The following ATP2B2 variants were observed in gnomAD, a reference collection of about 807,000 sequenced individuals.
ATP2B2 encodes the protein ATPase plasma membrane Ca2+ transporting 2, also known as plasma membrane calcium-transporting ATPase 2.
A neutral mutation model predicts 120.0 loss-of-function variants in ATP2B2; 15 were observed. That is an observed-to-expected ratio of 0.12 (90% confidence interval 0.08 to 0.19). ATP2B2 has a LOEUF of 0.19. Among genes scored for constraint, ATP2B2 ranks in the 10% least tolerant of loss-of-function variants. The pLI is 1.00. For missense variants in ATP2B2, 1,045 were observed against 1,719.8 expected (o/e 0.61, Z 6.94); for synonymous variants, 694 against 700.3 (o/e 0.99, Z 0.14).
intron 2 of ATP2B2, among the ~76,000 whole-genome samples, chr3:10,549,835 G>A (rs2067630563): frequency 6.6e-6 from 1 of 152,212 alleles, no homozygotes; most frequent in African/African-American, 2.4e-5. Context: ...GTACAGCACA[G>A]GGTGGTGAAC....
intron 2 of ATP2B2, among the ~76,000 whole-genome samples, chr3:10,554,333 A>C (rs1297152659): frequency 6.6e-6 from 1 of 152,194 alleles, no homozygotes; most frequent in Non-Finnish European, 1.5e-5. Flanking sequence ...ACCCACATCC[A>C]AACCCCCAGA....
chr3:10,340,437 G>A lies in ATP2B2; in HGVS notation c.3129+56C>T. On this transcript the variant is annotated intron_variant, in intron 20 of 22. Transcript: ENST00000360273. The surrounding 1 kb of genome is among the most constrained non-coding windows in gnomAD (Gnocchi z 5.0). Reference sequence around the variant, plus strand: ...GCTGGGCTCTCAGGGTCCTGCCCAGGGGCTCCAGCCGCTTGCTGCCCACCC... The same window carrying A: ...GCTGGGCTCTCAGGGTCCTGCCCAGAGGCTCCAGCCGCTTGCTGCCCACCC... The A allele has an allele frequency of 6.2e-7, 1 of 1,613,728 alleles. No homozygotes were observed. Among genetic ancestry groups the A allele is most frequent in the South Asian group, 1.1e-5 (1 of 91,066 alleles).
At chr3:10,465,965 G>A (rs2064721526) in intron 1 of ATP2B2, among the ~76,000 whole-genome samples, 4 of 152,176 alleles carry the variant, frequency 2.6e-5, no homozygotes, top group Admixed American at 2.6e-4. Flanking sequence ...CACCAAAAGG[G>A]AACAGTGTTT....
intron 3 of ATP2B2, among the ~76,000 whole-genome samples, chr3:10,530,276 T>C (rs2125472822): frequency 6.6e-6 from 1 of 152,310 alleles, no homozygotes; most frequent in East Asian, 1.9e-4. Flanking sequence ...CATATCCTAT[T>C]TTCTCTTCCA....
intron 2 of ATP2B2, among the ~76,000 whole-genome samples, chr3:10,573,879 A>G (rs2068184182): frequency 6.6e-6 from 1 of 152,154 alleles, no homozygotes; most frequent in Non-Finnish European, 1.5e-5. Flanking sequence ...AGCCCAGCAA[A>G]TACGGCGTCT....
chr3:10,698,922 T>C (rs1006599144), intron 1 of ATP2B2, among the ~76,000 whole-genome samples: 1 of 152,222 alleles, frequency 6.6e-6, no homozygotes, highest in African/African-American at 2.4e-5. Context: ...TGCCTGACTC[T>C]ACATAAATCA....
rs1387668478 is a variant in ATP2B2, at chr3:10,471,369, T to A, written c.-319-21507A>T. On this transcript the variant is annotated intron_variant, in intron 1 of 22. Coordinates refer to ENST00000360273, the MANE Select transcript of ATP2B2 (RefSeq NM_001001331.4). ...TTAAAAGGGGTTCAGGAAACCTGTGTGTGTGTGTGTGTGTGTGTGTGTGTG... is the reference window on the plus strand; with the variant it reads ...TTAAAAGGGGTTCAGGAAACCTGTGAGTGTGTGTGTGTGTGTGTGTGTGTG... Among the ~76,000 whole-genome samples, 78 of 17,732 alleles carry A rather than the reference T, an allele frequency of 4.4e-3. No individual in the cohort carries two copies. In the African/African-American group the frequency reaches 0.046, roughly 10 times the overall value. 11.6% of individuals were successfully genotyped at this position (17,732 alleles called of 152,430 possible).
At chr3:10,411,331 C>T (rs2062603284) in intron 2 of ATP2B2, among the ~76,000 whole-genome samples, 1 of 152,170 alleles carries the variant, frequency 6.6e-6, no homozygotes, top group Non-Finnish European at 1.5e-5. Context: ...CCTGCTGACA[C>T]CTGATTTCTG....
At chr3:10,426,802 C>T (rs765211824) in intron 2 of ATP2B2, among the ~76,000 whole-genome samples, 4 of 138,556 alleles carry the variant, frequency 2.9e-5, no homozygotes, top group Non-Finnish European at 6.0e-5. Context: ...ATTTGAGGAT[C>T]AGGAGCCGTT....
chr3:10,385,254 C>T lies in ATP2B2; in HGVS notation c.1000+14G>A, dbSNP rs200162116. ...CATCCAACCATGACCAGGAGCTCGC[C>T]GTGGGAGACATACCATTGACTAGGC... On this transcript the variant is annotated intron_variant, in intron 8 of 22. Coordinates refer to ENST00000360273, the MANE Select transcript of ATP2B2 (RefSeq NM_001001331.4). The T allele has an allele frequency of 5.7e-4, 922 of 1,612,824 alleles. No homozygotes were observed. Among genetic ancestry groups the T allele is most frequent in the Non-Finnish European group, 6.9e-4 (811 of 1,179,454 alleles).
At position 10,340,293 on chromosome 3, in the gene ATP2B2, G is replaced by A; in HGVS notation, c.3186C>T (p.Asp1062=). 6.2e-7 allele frequency: 1 copy of A among 1,614,218 alleles called. No individual in the cohort carries two copies. The highest frequency in any genetic ancestry group is 8.5e-7 in the Non-Finnish European group (1 of 1,180,038). The change falls in exon 21 of 23, where the codon GAC becomes GAT. Residue 1062 remains aspartate (D), a synonymous_variant. Transcript: ENST00000360273. This position sits in a 1 kb window ranked among gnomAD's most constrained non-coding sequence, Gnocchi z 5.0. ...KPFSCSPLQL[D]QWMWCIFIGL... ...CAATGAATATGCACCACATCCACTG[G>A]TCCAGCTGCAGTGGAGAGCAGCTGA...
Position 10,343,532 on chromosome 3 carries a change from C to CT in ATP2B2, c.2704-568dup, listed in dbSNP as rs56304839. On this transcript the variant is annotated intron_variant, in intron 18 of 22. Transcript: ENST00000360273. This position sits in a 1 kb window ranked among gnomAD's most constrained non-coding sequence, Gnocchi z 4.2. ...TGAGGAATAGCAAAAGCAACTAAAACTGTCAAGGACCTCACCACTTTTAGG... is the reference window on the plus strand; with the variant it reads ...TGAGGAATAGCAAAAGCAACTAAAACTTGTCAAGGACCTCACCACTTTTAGG... 1 allele frequency among the ~76,000 whole-genome samples: 152,234 copies of CT among 152,236 alleles called. 76,116 individuals are homozygous for CT. The highest frequency in any genetic ancestry group is 1 in the Middle Eastern group (294 of 294).
chr3:10,470,771 C>T (rs602709), intron 1 of ATP2B2, among the ~76,000 whole-genome samples: 92,256 of 151,994 alleles, frequency 0.61, 28,583 homozygotes, highest in East Asian at 0.85. Flanking sequence ...ACCCCACTTC[C>T]CAGCCCCCAA....
intron 1 of ATP2B2, among the ~76,000 whole-genome samples, chr3:10,659,547 A>C (rs1414195261): frequency 6.6e-6 from 1 of 152,204 alleles, no homozygotes; most frequent in East Asian, 1.9e-4. Context: ...AGAGCTAACT[A>C]TCCTAAATAT....
intron 4 of ATP2B2, among the ~76,000 whole-genome samples, chr3:10,401,313 G>A (rs930247804): frequency 1.3e-5 from 2 of 152,144 alleles, no homozygotes; most frequent in African/African-American, 2.4e-5. Context: ...TGCAACCCTC[G>A]CTCAAGTGGG....
chr3:10,572,114 C>A (rs2068141851), intron 2 of ATP2B2, among the ~76,000 whole-genome samples: 1 of 152,168 alleles, frequency 6.6e-6, no homozygotes. Context: ...AGAAGAGCAT[C>A]CCTATTTTAA....
chr3:10,382,500 C>T (rs1434041489), intron 8 of ATP2B2, among the ~76,000 whole-genome samples: 1 of 150,000 alleles, frequency 6.7e-6, no homozygotes, highest in Non-Finnish European at 1.5e-5. Context: ...GTGCCCACTA[C>T]CATGACCGGC....
intron 5 of ATP2B2, among the ~76,000 whole-genome samples, chr3:10,397,831 G>A (rs1295465775): frequency 1.3e-5 from 2 of 152,104 alleles, no homozygotes; most frequent in Non-Finnish European, 2.9e-5. Flanking sequence ...AGTCGGTGAC[G>A]GGGAACTCAC....
chr3:10,511,522 T>C (rs2066760928), intron 3 of ATP2B2, among the ~76,000 whole-genome samples: 1 of 152,218 alleles, frequency 6.6e-6, no homozygotes, highest in South Asian at 2.1e-4. Context: ...GAAATATTCT[T>C]TGGACGCATT....
Sources: gnomAD v4.1 joint callset for allele counts (sites outside exome capture counted in the v4.1 genomes callset) on GRCh38, gnomAD v4.1.1 for gene constraint, Gnocchi (gnomAD v3.1) non-coding constraint, MANE v1.5 for transcripts, NCBI Gene and HGNC (gene_info 2026-07-23, HGNC 2026-07-21) for gene names.